The following IQCB1 variants were observed in gnomAD, a reference collection of about 807,000 sequenced individuals.
IQCB1 encodes IQ calmodulin-binding motif-containing protein 1.
A neutral mutation model predicts 84.4 loss-of-function variants in IQCB1; 56 were observed. That is an observed-to-expected ratio of 0.66 (90% CI 0.54 to 0.83). IQCB1 has a LOEUF of 0.83. Among genes scored for constraint, IQCB1 ranks in the 40% least tolerant of loss-of-function variants. The pLI, the probability that IQCB1 is intolerant of heterozygous loss-of-function variation, is 0.00. For missense variants in IQCB1, 629 were observed against 682.1 expected (o/e 0.92, Z 0.87); for synonymous variants, 210 against 234.8 (o/e 0.89, Z 0.96).
At chr3:121,797,269 T>C in intron 8 of IQCB1, 42 bp from the exon 9 acceptor site, 15 of 891,416 alleles carry the variant, frequency 1.7e-5, no homozygotes, top group Non-Finnish European at 2.7e-5. Context: ...ATTATAATAA[T>C]AAAATATGAT....
intron 12 of IQCB1, among the ~76,000 whole-genome samples, chr3:121,784,307 A>G (rs564978955): frequency 6.6e-5 from 10 of 151,644 alleles, no homozygotes; most frequent in Admixed American, 2.0e-4. Flanking sequence ...TAGCCTTCTG[A>G]GTAGCTGGGA....
At chr3:121,822,953 G>GATATAAT (rs1950326999) in intron 5 of IQCB1, among the ~76,000 whole-genome samples, 2 of 152,186 alleles carry the variant, frequency 1.3e-5, no homozygotes, top group African/African-American at 4.8e-5. Flanking sequence ...ATTTGACCCA[G>GATATAAT]AGAAAAAACA....
At chr3:121,795,137 A>G (rs768970780) in intron 10 of IQCB1, among the ~76,000 whole-genome samples, 45 of 152,114 alleles carry the variant, frequency 3.0e-4, no homozygotes, top group Non-Finnish European at 1.3e-4. Flanking sequence ...ATAATTATAC[A>G]CACGAAATTA....
intron 5 of IQCB1, among the ~76,000 whole-genome samples, chr3:121,809,393 C>G (rs1374429554): frequency 6.6e-6 from 1 of 151,978 alleles, no homozygotes; most frequent in Non-Finnish European, 1.5e-5. Context: ...GATATCTGTA[C>G]TTGCACAAAG....
At chr3:121,789,170 T>C (rs902265313) in intron 11 of IQCB1, among the ~76,000 whole-genome samples, 4 of 152,188 alleles carry the variant, frequency 2.6e-5, no homozygotes, top group Non-Finnish European at 5.9e-5. Context: ...CAATAGGCAG[T>C]TGGCTACAGA....
chr3:121,809,947 A>G (rs938040299), intron 5 of IQCB1, among the ~76,000 whole-genome samples: 1 of 75,910 alleles, frequency 1.3e-5, no homozygotes, highest in African/African-American at 5.7e-5. Flanking sequence ...TAACAATGGA[A>G]AAAAAAAAAA....
Position 121,770,523 on chromosome 3 carries a change from C to T in IQCB1, c.1619G>A (p.Ser540Asn), listed in dbSNP as rs1268279423. ...CTTGGCTGCCACAGGCCTGGATCTACTTAGGAAGAGCTCAGGTTCTTTCCC... is the reference window on the plus strand; with the variant it reads ...CTTGGCTGCCACAGGCCTGGATCTATTTAGGAAGAGCTCAGGTTCTTTCCC... ...AEGKEPELFL[S>N]RSRPVAAKAK... Residue 540 changes from serine to asparagine, a missense_variant, in exon 15 of 15, where the codon AGT (serine) becomes AAT (asparagine). By Grantham distance (46) the Ser-to-Asn change is conservative. Coordinates refer to ENST00000310864, the MANE Select transcript of IQCB1 (RefSeq NM_001023570.4). The T allele has an allele frequency of 6.2e-7, 1 of 1,614,194 alleles. No individual in the cohort carries two copies. The highest frequency in any genetic ancestry group is 1.7e-5 in the Admixed American group (1 of 60,028).
intron 7 of IQCB1, among the ~76,000 whole-genome samples, chr3:121,804,470 A>T (rs1368115357): frequency 2.0e-5 from 3 of 152,234 alleles, no homozygotes; most frequent in Non-Finnish European, 2.9e-5. Flanking sequence ...GAAGTATTTC[A>T]TCTTTGCTTT....
chr3:121,775,947 T>C (rs992274548), intron 13 of IQCB1, among the ~76,000 whole-genome samples: 3 of 152,204 alleles, frequency 2.0e-5, no homozygotes, highest in Non-Finnish European at 4.4e-5. Flanking sequence ...ATAGATTGGT[T>C]TATATTTTTA....
At chr3:121,782,936 A>T (rs1948564854) in intron 12 of IQCB1, among the ~76,000 whole-genome samples, 2 of 152,138 alleles carry the variant, frequency 1.3e-5, no homozygotes, top group Non-Finnish European at 2.9e-5. Context: ...CGGCCTCCCA[A>T]AGAGCTGGGA....
At chr3:121,822,514 C>T (rs1950311146) in intron 5 of IQCB1, among the ~76,000 whole-genome samples, 1 of 152,166 alleles carries the variant, frequency 6.6e-6, no homozygotes, top group South Asian at 2.1e-4. Flanking sequence ...GACTCTTAAA[C>T]TGTACATATG....
intron 7 of IQCB1, among the ~76,000 whole-genome samples, chr3:121,805,396 C>T (rs923034859): frequency 2.1e-4 from 32 of 152,220 alleles, no homozygotes; most frequent in African/African-American, 7.5e-4. Flanking sequence ...TATGATGGCA[C>T]AAGTGGGATT....
chr3:121,783,013 T>A (rs945270018), intron 12 of IQCB1, among the ~76,000 whole-genome samples: 1 of 152,190 alleles, frequency 6.6e-6, no homozygotes, highest in South Asian at 2.1e-4. Flanking sequence ...GCCATGCTCA[T>A]CGGCTGCTTT....
chr3:121,773,774 C>G (rs1948106324), intron 13 of IQCB1, among the ~76,000 whole-genome samples: 1 of 151,908 alleles, frequency 6.6e-6, no homozygotes, highest in East Asian at 1.9e-4. Context: ...GATCAAAGAC[C>G]TAAACATAAG....
At chr3:121,780,299 T>C (rs1410215123) in intron 13 of IQCB1, among the ~76,000 whole-genome samples, 1 of 152,216 alleles carries the variant, frequency 6.6e-6, no homozygotes, top group Non-Finnish European at 1.5e-5. Context: ...TCAGAGATTA[T>C]TGTTCTTTGT....
chr3:121,826,891 C>T (rs184297707), intron 4 of IQCB1, among the ~76,000 whole-genome samples: 1 of 152,228 alleles, frequency 6.6e-6, no homozygotes, highest in African/African-American at 2.4e-5. Context: ...AGAATGGTCT[C>T]TATGTGTGTA....
At chr3:121,826,669 A>G (rs1950475519) in intron 4 of IQCB1, among the ~76,000 whole-genome samples, 1 of 152,142 alleles carries the variant, frequency 6.6e-6, no homozygotes, top group Non-Finnish European at 1.5e-5. Context: ...TTTGCAAAAT[A>G]CTCATTTGCA....
intron 12 of IQCB1, among the ~76,000 whole-genome samples, chr3:121,785,830 C>T (rs1576550423): frequency 6.6e-6 from 1 of 151,912 alleles, no homozygotes; most frequent in Non-Finnish European, 1.5e-5. Context: ...GTATGCTTAA[C>T]GATTATTTTA....
intron 2 of IQCB1, among the ~76,000 whole-genome samples, chr3:121,833,689 C>T (rs1003508130): frequency 2.0e-5 from 3 of 152,058 alleles, no homozygotes; most frequent in Non-Finnish European, 2.9e-5. Context: ...ATGTTAAATG[C>T]TAAATAGATG....
Sources: allele counts gnomAD v4.1 joint callset (sites outside exome capture counted in the v4.1 genomes callset), GRCh38; gene constraint gnomAD v4.1.1; transcripts MANE v1.5; gene names NCBI Gene and HGNC (gene_info 2026-07-23, HGNC 2026-07-21).